The following DUSP11 variants were observed in gnomAD, a reference collection of about 807,000 sequenced individuals.
DUSP11 encodes dual specificity phosphatase 11.
In DUSP11, 27 loss-of-function variants were observed where a neutral mutation model predicts 41.4. The ratio of observed to expected loss-of-function variants is 0.65; its 90% CI spans 0.48 to 0.90. The LOEUF (loss-of-function observed/expected upper bound fraction) is 0.90. DUSP11 is among the 40% of genes least tolerant of loss of function. The pLI is 0.00. For synonymous variants in DUSP11, 188 were observed against 159.3 expected (o/e 1.18, Z -1.35); for missense variants, 465 against 461.1 (o/e 1.01, Z -0.08).
intron 6 of DUSP11, 37 bp downstream of exon 6, chr2:73,767,124 A>G (rs765862553): frequency 6.4e-7 from 1 of 1,572,664 alleles, no homozygotes; most frequent in South Asian, 1.1e-5. Flanking sequence ...CTTTAACTTT[A>G]ATAAAAGGGA....
intron 8 of DUSP11, among the ~76,000 whole-genome samples, chr2:73,766,138 T>A (rs1185520495): frequency 6.6e-6 from 1 of 151,970 alleles, no homozygotes; most frequent in Non-Finnish European, 1.5e-5. Flanking sequence ...TGAAACCCCA[T>A]CTCTACTAAA....
intron 3 of DUSP11, among the ~76,000 whole-genome samples, chr2:73,774,509 C>T (rs1255090324): frequency 2.6e-5 from 4 of 152,110 alleles, no homozygotes; most frequent in East Asian, 1.9e-4. Context: ...TCATCATCCC[C>T]GACAAAAAGA....
At chr2:73,778,237 G>A (rs1672721048) in intron 2 of DUSP11, 64 bp downstream of exon 2, 1 of 1,047,654 alleles carries the variant, frequency 9.5e-7, no homozygotes, top group Non-Finnish European at 1.4e-6. Flanking sequence ...TGATAGAGTG[G>A]AGAGCAGTGT....
intron 2 of DUSP11, among the ~76,000 whole-genome samples, chr2:73,775,434 A>G (rs1455170379): frequency 1.4e-5 from 2 of 144,896 alleles, no homozygotes; most frequent in Non-Finnish European, 3.0e-5. Flanking sequence ...GCTGGAGTGC[A>G]GTGACACAAA....
chr2:73,773,792 A>T lies in DUSP11; in HGVS notation c.574+8T>A. On this transcript the variant is annotated splice_region_variant and intron_variant, in intron 4 of 8. Coordinates refer to ENST00000272444, the Ensembl canonical transcript of DUSP11. ...CACACCACAGTTCAGGTAAGAACAA[A>T]AACTCACCATTATCTTTATTTTCTT... is the stretch of plus-strand genomic sequence containing the variant. The T allele has an allele frequency of 6.2e-7, 1 of 1,602,864 alleles. No individual in the cohort carries two copies. Among genetic ancestry groups the T allele is most frequent in the Non-Finnish European group, 8.5e-7 (1 of 1,174,090 alleles).
intron 4 of DUSP11, among the ~76,000 whole-genome samples, chr2:73,770,115 G>A (rs371797829): frequency 2.4e-4 from 36 of 147,852 alleles, no homozygotes; most frequent in African/African-American, 7.8e-4. Context: ...CCAACATGGC[G>A]AAACCACGTC....
In DUSP11 at chr2:73,767,291, T is replaced by C. The variant is rs565101040; in HGVS notation, c.636-84A>G. ...TCAAAAAAGGTCCAATTTCAACTTA[T>C]AGACATAGATATAAAAATCCTAAGA... On this transcript the variant is annotated intron_variant, in intron 5 of 8. Coordinates refer to ENST00000272444, the Ensembl canonical transcript of DUSP11. 1.8e-3 allele frequency: 1,701 copies of C among 950,616 alleles called. 4 individuals are homozygous for C. The highest frequency in any genetic ancestry group is 2.5e-3 in the Non-Finnish European group (1,479 of 597,648). 58.9% of individuals were successfully genotyped at this position (950,616 alleles called of 1,614,324 possible).
chr2:73,778,469 A>T, intron 1 of DUSP11, 93 bp from the exon 2 acceptor site: 1 of 727,794 alleles, frequency 1.4e-6, no homozygotes, highest in Non-Finnish European at 2.1e-6. Context: ...CATAGCCCGC[A>T]CAACATGTCC....
Position 73,766,478 on chromosome 2 carries a change from T to TGG in DUSP11, c.873_874dup (p.Gln292ProfsTer55). 1 of 1,614,170 alleles carries TGG rather than the reference T, an allele frequency of 6.2e-7. No homozygotes were observed. Among genetic ancestry groups the TGG allele is most frequent in the South Asian group, 1.1e-5 (1 of 91,076 alleles). ...GAAATGTCGAGGAGCTGAGTGACCC[T>TGG]GGATCTGATGTAGATTATACCTAGG... is the stretch of plus-strand genomic sequence containing the variant. On this transcript the variant is annotated frameshift_variant, in exon 8 of 9. Coordinates refer to ENST00000272444, the Ensembl canonical transcript of DUSP11. LOFTEE classifies it high-confidence loss of function.
chr2:73,770,187 CAAA>C (rs70965756), intron 4 of DUSP11, among the ~76,000 whole-genome samples: 5 of 90,568 alleles, frequency 5.5e-5, no homozygotes, highest in African/African-American at 8.5e-5. Flanking sequence ...CCCAGCTACT[CAAA>C]AAAAAAAAAA....
In DUSP11 at chr2:73,767,185, C is replaced by T. The variant is rs144123904; in HGVS notation, c.658G>A (p.Val220Met). ...CATTCAATTGCATCATCTGGCCTCA[C>T]GCCTTCTACATCAATCAAATATCTA... The change falls in exon 6 of 9, where the codon GTG (valine) becomes ATG (methionine). Residue 220 changes from valine to methionine, a missense_variant. By Grantham distance (21) the Val-to-Met change is conservative (BLOSUM62 1). Coordinates refer to ENST00000272444, the Ensembl canonical transcript of DUSP11. The T allele has an allele frequency of 6.4e-5, 103 of 1,612,462 alleles. No homozygotes were observed. In the African/African-American group the frequency reaches 1.1e-3, roughly 16 times the overall value.
intron 3 of DUSP11, among the ~76,000 whole-genome samples, chr2:73,774,698 C>T (rs1377508204): frequency 1.3e-5 from 2 of 152,122 alleles, no homozygotes; most frequent in East Asian, 1.9e-4. Context: ...TATTGTAGCA[C>T]GTATTAAATC....
intron 4 of DUSP11, 103 bp from the exon 5 acceptor site, chr2:73,769,428 T>G (rs1672531074): frequency 3.5e-6 from 3 of 862,534 alleles, no homozygotes; most frequent in Non-Finnish European, 5.5e-6. Context: ...AATTGTTTTT[T>G]CTAGGAACAT....
rs1013469316 is a variant in DUSP11, at chr2:73,772,933, T to C, written c.574+867A>G. Among the ~76,000 whole-genome samples, 5 of 152,236 alleles carry C rather than the reference T, an allele frequency of 3.3e-5. No homozygotes were observed. In the East Asian group the frequency reaches 7.7e-4, roughly 23 times the overall value. ...AAAAAGGAGTATTTACTGTCAGATT[T>C]ATGTAACAAAGTGTACACTCCTCAA... On this transcript the variant is annotated intron_variant, in intron 4 of 8. Transcript: ENST00000272444.
At chr2:73,765,065 G>A (rs1672432180) in intron 8 of DUSP11, among the ~76,000 whole-genome samples, 1 of 152,204 alleles carries the variant, frequency 6.6e-6, no homozygotes, top group South Asian at 2.1e-4. Flanking sequence ...ACTGGGTTAA[G>A]AGATATCTAG....
rs562252206 is a variant in DUSP11 at position 73,779,512 on chromosome 2, T to C, written c.242+362A>G. ...ATCTCAGGGCGCTACTACTGCTGGG[T>C]TCCTAACTCAAACCATTACACTTTC... On this transcript the variant is annotated intron_variant, in intron 1 of 8. Coordinates refer to ENST00000272444, the Ensembl canonical transcript of DUSP11. The C allele has an allele frequency of 8.7e-4, 224 of 257,168 alleles. 1 individual carries two copies. The highest frequency in any genetic ancestry group is 4.8e-3 in the African/African-American group (222 of 45,976). 15.9% of individuals were successfully genotyped at this position (257,168 alleles called of 1,614,324 possible).
intron 4 of DUSP11, among the ~76,000 whole-genome samples, chr2:73,771,583 T>G (rs1672574122): frequency 6.6e-6 from 1 of 151,318 alleles, no homozygotes; most frequent in Non-Finnish European, 1.5e-5. Context: ...AAGTTCCGCC[T>G]CCCAGGTTCA....
chr2:73,771,565 C>T (rs1672573765), intron 4 of DUSP11, among the ~76,000 whole-genome samples: 1 of 151,704 alleles, frequency 6.6e-6, no homozygotes, highest in African/African-American at 2.4e-5. Context: ...GCAATCTCGG[C>T]TCACTGCAAG....
intron 5 of DUSP11, chr2:73,768,667 A>C (rs1672516052): frequency 1.0e-6 from 1 of 985,270 alleles, no homozygotes; most frequent in African/African-American, 1.7e-5. Context: ...AAAAAGAATA[A>C]GGAGTCTGGC....
Sources: allele counts gnomAD v4.1 joint callset (sites outside exome capture counted in the v4.1 genomes callset), GRCh38; gene constraint gnomAD v4.1.1; transcripts MANE v1.5; gene names NCBI Gene and HGNC (gene_info 2026-07-23, HGNC 2026-07-21).